The following MYO5B variants were observed in gnomAD, a reference collection of about 807,000 sequenced individuals.
MYO5B encodes unconventional myosin-Vb.
Under a neutral mutation model 229.3 loss-of-function variants are expected in MYO5B, and 143 were observed. That is an observed-to-expected ratio of 0.62 (90% CI 0.54 to 0.72). The LOEUF (loss-of-function observed/expected upper bound fraction) is 0.72. Among genes scored for constraint, MYO5B ranks in the 30% least tolerant of loss-of-function variants. The probability of loss-of-function intolerance (pLI) is 0.00; values close to 1 mark genes in which losing one functional copy is unlikely to be tolerated. For missense variants in MYO5B, 2,321 were observed against 2,331.0 expected (o/e 1.00, Z 0.09); for synonymous variants, 918 against 885.2 (o/e 1.04, Z -0.66).
intron 2 of MYO5B, among the ~76,000 whole-genome samples, chr18:50,049,758 G>A (rs2030342277): frequency 6.6e-6 from 1 of 152,184 alleles, no homozygotes. Context: ...GGTGCAAGTT[G>A]CTGCCCCACT....
At chr18:49,927,756 A>G (rs186236756) in intron 17 of MYO5B, among the ~76,000 whole-genome samples, 1 of 152,404 alleles carries the variant, frequency 6.6e-6, no homozygotes, top group Non-Finnish European at 1.5e-5. Context: ...AAGATGGATC[A>G]AAGACTTAAA....
chr18:49,968,110 G>C (rs1317021511), intron 10 of MYO5B, among the ~76,000 whole-genome samples: 2 of 152,124 alleles, frequency 1.3e-5, no homozygotes, highest in Non-Finnish European at 2.9e-5. Context: ...CTGCCCAGAA[G>C]AGCTACTGGG....
chr18:50,098,178 C>T (rs2031589422), intron 1 of MYO5B, among the ~76,000 whole-genome samples: 1 of 152,200 alleles, frequency 6.6e-6, no homozygotes, highest in Non-Finnish European at 1.5e-5. Context: ...CTCCATCAAG[C>T]AGGTCAGTTT....
chr18:49,920,718 G>A (rs554317641), intron 17 of MYO5B, among the ~76,000 whole-genome samples: 2 of 152,308 alleles, frequency 1.3e-5, no homozygotes, highest in South Asian at 4.1e-4. Context: ...CATGCCTTCA[G>A]GGTAATGATT....
In MYO5B at chr18:49,824,005, CCG is replaced by C. The variant is rs2023807125; in HGVS notation, c.*2464_*2465del. The C allele has an allele frequency of 6.6e-6, 1 of 152,508 alleles. No homozygotes were observed. The highest frequency in any genetic ancestry group is 1.5e-5 in the Non-Finnish European group (1 of 68,026). 9.4% of individuals were successfully genotyped at this position (152,508 alleles called of 1,614,324 possible). ...CAACTGATGTCAGTTATCTTAGTAA[CCG>C]CTAAAGGCACCTGGTGAAAAAAATG... On this transcript the variant is annotated 3_prime_UTR_variant, in exon 40 of 40. Transcript: ENST00000285039.
chr18:50,077,540 C>CACACAG (rs1491568419), intron 1 of MYO5B, among the ~76,000 whole-genome samples: 3 of 148,286 alleles, frequency 2.0e-5, no homozygotes, highest in Non-Finnish European at 3.0e-5. Context: ...CACACACACA[C>CACACAG]AGTAAAGGAC....
chr18:50,153,442 T>C (rs2032630751), intron 1 of MYO5B, among the ~76,000 whole-genome samples: 1 of 152,044 alleles, frequency 6.6e-6, no homozygotes, highest in South Asian at 2.1e-4. Context: ...GCATGAGACA[T>C]GGGAGAAATA....
intron 4 of MYO5B, among the ~76,000 whole-genome samples, chr18:50,032,234 T>C (rs1383942410): frequency 6.6e-6 from 1 of 152,224 alleles, no homozygotes; most frequent in Non-Finnish European, 1.5e-5. Context: ...TTCACTCATT[T>C]ACTGTGTATA....
At chr18:50,120,372 G>A (rs1358552287) in intron 1 of MYO5B, among the ~76,000 whole-genome samples, 4 of 152,222 alleles carry the variant, frequency 2.6e-5, no homozygotes, top group South Asian at 2.1e-4. Context: ...CTCACTAAAG[G>A]TGAAACATGG....
In MYO5B at chr18:49,974,473, G is replaced by A. The variant is rs772794033; in HGVS notation, c.1199C>T (p.Ala400Val). 58 of 1,614,040 alleles carry A rather than the reference G, an allele frequency of 3.6e-5. No individual in the cohort carries two copies. Among genetic ancestry groups the A allele is most frequent in the South Asian group, 1.6e-4 (15 of 91,084 alleles). Reference protein sequence around the residue: ...KTMSLQQVINARNALAKHIYA... With the variant: ...KTMSLQQVINVRNALAKHIYA... ...GATGTGCTTCGCCAGGGCGTTGCGC[G>A]CATTGATCACCTGCTGCAGGGACAT... The change falls in exon 10 of 40, where the codon GCG becomes GTG. Residue 400 changes from alanine to valine, a missense_variant. By Grantham distance (64) the Ala-to-Val change is moderately conservative. This residue lies in a region of MYO5B where 2,113 missense variants were observed against 2,044.7 expected (regional missense o/e 1.03). Coordinates refer to ENST00000285039, the MANE Select transcript of MYO5B (RefSeq NM_001080467.3).
At position 49,964,223 on chromosome 18, in the gene MYO5B, C is replaced by A. The variant is rs563030162; in HGVS notation, c.1323-1193G>T. On this transcript the variant is annotated intron_variant, in intron 10 of 39. Coordinates refer to ENST00000285039, the MANE Select transcript of MYO5B (RefSeq NM_001080467.3). ...ACTAATGTTTGTTATGACCCCACCT[C>A]CAGCCTCACAATGTACGAAAGTGTC... 3.3e-5 allele frequency among the ~76,000 whole-genome samples: 5 copies of A among 152,338 alleles called. No individual in the cohort carries two copies. In the East Asian group the frequency reaches 9.6e-4, roughly 29 times the overall value.
intron 4 of MYO5B, among the ~76,000 whole-genome samples, chr18:50,035,200 C>T (rs967794440): frequency 6.6e-6 from 1 of 151,762 alleles, no homozygotes; most frequent in Non-Finnish European, 1.5e-5. Context: ...AGCTAGAAGA[C>T]TCTCAAGCCT....
At chr18:49,962,195 G>A (rs2025566980) in intron 12 of MYO5B, 71 bp downstream of exon 12, 9 of 1,597,790 alleles carry the variant, frequency 5.6e-6, no homozygotes, top group Non-Finnish European at 6.0e-6. Context: ...TTCCACCTTT[G>A]AGATCTTATG....
chr18:50,176,180 T>C (rs60044507), intron 1 of MYO5B, among the ~76,000 whole-genome samples: 18,689 of 152,098 alleles, frequency 0.12, 1,209 homozygotes, highest in East Asian at 0.23. Flanking sequence ...TGGGAGGGAG[T>C]TGGCTTAATG....
At chr18:49,997,961 C>T (rs2026007945) in intron 5 of MYO5B, among the ~76,000 whole-genome samples, 1 of 152,306 alleles carries the variant, frequency 6.6e-6, no homozygotes, top group African/African-American at 2.4e-5. Flanking sequence ...CTGATTAAGA[C>T]ATGCTCTGTG....
intron 4 of MYO5B, among the ~76,000 whole-genome samples, chr18:50,026,000 TAA>T (rs1202288439): frequency 6.6e-6 from 1 of 152,236 alleles, no homozygotes; most frequent in Non-Finnish European, 1.5e-5. Flanking sequence ...AATGATATTT[TAA>T]GTTTTAAAAA....
chr18:50,049,737 T>A (rs1407606586), intron 2 of MYO5B, among the ~76,000 whole-genome samples: 2 of 152,160 alleles, frequency 1.3e-5, no homozygotes, highest in East Asian at 3.8e-4. Flanking sequence ...TTGCCAAATG[T>A]TCGGGGCAGG....
chr18:50,086,953 C>T (rs1052018105), intron 1 of MYO5B, among the ~76,000 whole-genome samples: 2 of 152,144 alleles, frequency 1.3e-5, no homozygotes, highest in African/African-American at 4.8e-5. Flanking sequence ...CCACCAATAT[C>T]CCCAAATCGG....
chr18:50,064,854 CTG>C (rs1283901833), intron 1 of MYO5B, among the ~76,000 whole-genome samples: 1 of 152,202 alleles, frequency 6.6e-6, no homozygotes, highest in Non-Finnish European at 1.5e-5. Flanking sequence ...CAAGCACTGA[CTG>C]AAGTTATTTT....
Sources: gnomAD v4.1 joint callset for allele counts (sites outside exome capture counted in the v4.1 genomes callset) on GRCh38, gnomAD v4.1.1 for gene constraint, gnomAD v4.1.1 regional missense constraint, MANE v1.5 for transcripts, NCBI Gene and HGNC (gene_info 2026-07-23, HGNC 2026-07-21) for gene names.